CCDC192: variants seen among roughly 807,000 people sequenced by gnomAD.
CCDC192 encodes coiled-coil domain containing 192.
intron 5 of CCDC192, among the ~76,000 whole-genome samples, chr5:127,827,749 C>G (rs1382569742): frequency 6.6e-6 from 1 of 152,200 alleles, no homozygotes; most frequent in African/African-American, 2.4e-5. Flanking sequence ...TAAACTAATG[C>G]TTCCCTTCAA....
intron 3 of CCDC192, among the ~76,000 whole-genome samples, chr5:127,788,495 G>A (rs879492691): frequency 6.6e-6 from 1 of 152,008 alleles, no homozygotes; most frequent in Non-Finnish European, 1.5e-5. Flanking sequence ...CTTTAATTGG[G>A]AGTCAAAGTC....
chr5:127,844,979 T>C (rs528385700), intron 5 of CCDC192, among the ~76,000 whole-genome samples: 2 of 152,316 alleles, frequency 1.3e-5, no homozygotes, highest in African/African-American at 4.8e-5. Flanking sequence ...CTTCTCTTTG[T>C]GGTTCTTTGA....
intron 5 of CCDC192, among the ~76,000 whole-genome samples, chr5:127,822,767 G>T (rs1219888992): frequency 6.6e-6 from 1 of 152,186 alleles, no homozygotes; most frequent in Admixed American, 6.5e-5. Flanking sequence ...ACAGGTCTCT[G>T]CAGTCTATGA....
intron 5 of CCDC192, among the ~76,000 whole-genome samples, chr5:127,846,762 G>A (rs984589817): frequency 2.8e-5 from 4 of 142,134 alleles, no homozygotes; most frequent in South Asian, 4.4e-4. Flanking sequence ...GAGCCACCGC[G>A]CTTGGCCATA....
intron 6 of CCDC192, among the ~76,000 whole-genome samples, chr5:127,880,129 G>A (rs1321361836): frequency 6.6e-6 from 1 of 151,530 alleles, no homozygotes; most frequent in African/African-American, 2.4e-5. Flanking sequence ...TATAAATCAT[G>A]CTGCTATAAA....
intron 2 of CCDC192, among the ~76,000 whole-genome samples, chr5:127,730,300 A>G (rs968652710): frequency 2.0e-5 from 3 of 152,172 alleles, no homozygotes; most frequent in Non-Finnish European, 4.4e-5. Context: ...CTGGACATAT[A>G]TATCCTCCCA....
chr5:127,875,221 T>C (rs1357805066), intron 5 of CCDC192, among the ~76,000 whole-genome samples: 1 of 152,178 alleles, frequency 6.6e-6, no homozygotes. Context: ...CGGTGGCAAA[T>C]GCCAACTGGC....
Position 127,748,578 on chromosome 5 carries a change from C to T in CCDC192, c.115-5690C>T, listed in dbSNP as rs1486574452. On this transcript the variant is annotated intron_variant, in intron 2 of 6. Coordinates refer to ENST00000514853, the MANE Select transcript of CCDC192 (RefSeq NM_001317938.2). ...CTTTGTTCTTTTGGCTTAGGATTGA[C>T]TTGGCGATTTGGGCTCTTTTTTGGT... 7.0e-4 allele frequency among the ~76,000 whole-genome samples: 103 copies of T among 146,526 alleles called. 1 individual carries two copies. The highest frequency in any genetic ancestry group is 2.5e-3 in the African/African-American group (100 of 40,452).
chr5:127,704,559 T>C (rs1003105335), intron 1 of CCDC192, among the ~76,000 whole-genome samples: 1 of 152,208 alleles, frequency 6.6e-6, no homozygotes, highest in Non-Finnish European at 1.5e-5. Context: ...GCTTTTCGTC[T>C]TGGGTCTATG....
At chr5:127,782,646 G>A (rs913318794) in intron 3 of CCDC192, among the ~76,000 whole-genome samples, 1 of 151,934 alleles carries the variant, frequency 6.6e-6, no homozygotes, top group African/African-American at 2.4e-5. Flanking sequence ...TATTTCTGCG[G>A]TGTCAGCTGT....
intron 2 of CCDC192, among the ~76,000 whole-genome samples, chr5:127,734,195 C>T (rs1306534310): frequency 0.025 from 3,715 of 150,172 alleles, 83 homozygotes; most frequent in Non-Finnish European, 0.033. Flanking sequence ...TTTGTTCTTG[C>T]GATAGTTTAC....
intron 5 of CCDC192, among the ~76,000 whole-genome samples, chr5:127,800,389 AAAAAAAAAAAAAC>A (rs1479315376): frequency 1.1e-4 from 15 of 139,098 alleles, no homozygotes; most frequent in African/African-American, 2.8e-4. Flanking sequence ...AAAAAAAAAA[AAAAAAAAAAAAAC>A]AACAACAACA....
intron 3 of CCDC192, among the ~76,000 whole-genome samples, chr5:127,770,596 GTATA>G (rs1157371096): frequency 6.6e-6 from 1 of 152,166 alleles, no homozygotes; most frequent in Non-Finnish European, 1.5e-5. Context: ...CTGTTTTTCT[GTATA>G]TTGGGCATAT....
chr5:127,895,524 G>A, intron 6 of CCDC192, among the ~76,000 whole-genome samples: 1 of 152,218 alleles, frequency 6.6e-6, no homozygotes, highest in East Asian at 1.9e-4. Context: ...AGCACAATTT[G>A]CAAGATATTA....
At chr5:127,935,342 A>C (rs1267658452) in intron 6 of CCDC192, 1 of 152,224 alleles carries the variant, frequency 6.6e-6, no homozygotes, top group Non-Finnish European at 1.5e-5. Flanking sequence ...CCATTGTTAG[A>C]GGTAGTTGGG....
chr5:127,729,866 C>A (rs1026711144), intron 2 of CCDC192, among the ~76,000 whole-genome samples: 3 of 151,964 alleles, frequency 2.0e-5, no homozygotes, highest in South Asian at 4.2e-4. Flanking sequence ...GATGCAGCTA[C>A]AGTAGTGTTA....
At chr5:127,733,973 T>G (rs910591877) in intron 2 of CCDC192, among the ~76,000 whole-genome samples, 8 of 151,224 alleles carry the variant, frequency 5.3e-5, no homozygotes, top group Non-Finnish European at 8.8e-5. Flanking sequence ...ATGTGCACAT[T>G]GTGCAGGTTA....
intron 5 of CCDC192, among the ~76,000 whole-genome samples, chr5:127,801,482 CCT>C (rs1757505747): frequency 6.6e-6 from 1 of 152,042 alleles, no homozygotes; most frequent in African/African-American, 2.4e-5. Flanking sequence ...CCCTCACTCC[CCT>C]CTCTCTGCCT....
chr5:127,874,571 A>T (rs1004294870), intron 5 of CCDC192, among the ~76,000 whole-genome samples: 1 of 152,222 alleles, frequency 6.6e-6, no homozygotes, highest in Middle Eastern at 3.2e-3. Flanking sequence ...TAGTGCCTTC[A>T]GAGGCCAGGG....
Sources: allele counts gnomAD v4.1 joint callset (sites outside exome capture counted in the v4.1 genomes callset), GRCh38; gene constraint gnomAD v4.1.1; transcripts MANE v1.5; gene names NCBI Gene and HGNC (gene_info 2026-07-23, HGNC 2026-07-21).